The following FIP1L1 variants were observed in gnomAD, a reference collection of about 807,000 sequenced individuals.
FIP1L1 encodes the protein pre-mRNA 3'-end-processing factor FIP1.
FIP1L1 carries 21 observed loss-of-function variants against 84.6 expected under a neutral mutation model. That is an observed-to-expected ratio of 0.25 (90% CI 0.18 to 0.36). The LOEUF (loss-of-function observed/expected upper bound fraction) is 0.36, where lower values mean the gene tolerates loss of function less well. Among genes scored for constraint, FIP1L1 ranks in the 10% least tolerant of loss-of-function variants. The pLI, the probability that FIP1L1 is intolerant of heterozygous loss-of-function variation, is 1.00. For synonymous variants in FIP1L1, 263 were observed against 242.3 expected, an observed-to-expected ratio of 1.09 and a Z score of -0.80; for missense variants, 526 against 751.1, an observed-to-expected ratio of 0.70 and a Z score of 3.50.
intron 3 of FIP1L1, among the ~76,000 whole-genome samples, chr4:53,381,385 A>G (rs562025003): frequency 6.2e-4 from 94 of 152,266 alleles, no homozygotes; most frequent in African/African-American, 2.2e-3. Flanking sequence ...ATTGTGTTAT[A>G]TCTATCCAAG....
chr4:53,380,405 T>A lies in FIP1L1; in HGVS notation c.170+1141T>A, dbSNP rs116025659. On this transcript the variant is annotated intron_variant, in intron 3 of 17. Coordinates refer to ENST00000337488, the MANE Select transcript of FIP1L1 (RefSeq NM_030917.4). The stretch of plus-strand genomic sequence containing the variant: ...GAGACAGATTAGTGGTTACTAAGAG[T>A]TGGGTGAGTGATTGCTAATGTATAC... Among the ~76,000 whole-genome samples, 1,437 of 152,112 alleles carry A rather than the reference T, an allele frequency of 9.4e-3. 21 individuals are homozygous for A. The highest frequency in any genetic ancestry group is 0.033 in the African/African-American group (1,372 of 41,484).
chr4:53,386,107 A>G (rs1429008556), intron 5 of FIP1L1, among the ~76,000 whole-genome samples: 1 of 151,968 alleles, frequency 6.6e-6, no homozygotes, highest in Non-Finnish European at 1.5e-5. Context: ...GGTATGAAGA[A>G]AAGCAACTCT....
In FIP1L1 at chr4:53,392,542, A is replaced by T. The variant is rs1476537579; in HGVS notation, c.705+1044A>T. 3.9e-5 allele frequency among the ~76,000 whole-genome samples: 6 copies of T among 152,234 alleles called. No individual in the cohort carries two copies. In the East Asian group the frequency reaches 9.6e-4, roughly 24 times the overall value. On this transcript the variant is annotated intron_variant, in intron 9 of 17. Coordinates refer to ENST00000337488, the MANE Select transcript of FIP1L1 (RefSeq NM_030917.4). Reference sequence around the variant, plus strand: ...AAGGGTCATCAGTTTTTTCTGGGTTATATTGTCTATATAGGCATTGAATAT... The same window carrying T: ...AAGGGTCATCAGTTTTTTCTGGGTTTTATTGTCTATATAGGCATTGAATAT...
chr4:53,394,317 C>G (rs1040958096), intron 9 of FIP1L1, among the ~76,000 whole-genome samples: 2 of 152,138 alleles, frequency 1.3e-5, no homozygotes, highest in Non-Finnish European at 2.9e-5. Context: ...GTTGGCCATT[C>G]ACTCATGTAA....
chr4:53,436,698 A>G (rs1381824233), intron 13 of FIP1L1, among the ~76,000 whole-genome samples: 1 of 152,166 alleles, frequency 6.6e-6, no homozygotes, highest in South Asian at 2.1e-4. Flanking sequence ...GTTTATAGAC[A>G]ATCTGTTTAG....
chr4:53,387,180 A>G (rs1388507012), intron 5 of FIP1L1, among the ~76,000 whole-genome samples: 1 of 152,202 alleles, frequency 6.6e-6, no homozygotes, highest in Non-Finnish European at 1.5e-5. Flanking sequence ...AAACAGAAAT[A>G]TAGTCAGGCA....
intron 10 of FIP1L1, among the ~76,000 whole-genome samples, chr4:53,405,106 T>C (rs1439723234): frequency 6.6e-6 from 1 of 152,212 alleles, no homozygotes; most frequent in East Asian, 1.9e-4. Context: ...TGAATGGTAA[T>C]GCCTAGGTTT....
At chr4:53,432,101 A>G (rs1039915526) in intron 13 of FIP1L1, among the ~76,000 whole-genome samples, 14 of 152,162 alleles carry the variant, frequency 9.2e-5, no homozygotes, top group African/African-American at 1.4e-4. Context: ...CAGTAGCTTG[A>G]AAACAAATAC....
At chr4:53,440,595 T>C (rs772519030) in intron 13 of FIP1L1, 1 of 1,525,148 alleles carries the variant, frequency 6.6e-7, no homozygotes, top group Non-Finnish European at 9.0e-7. Flanking sequence ...TTCCAATAAC[T>C]GTACCACCTC....
intron 1 of FIP1L1, chr4:53,378,861 G>A (rs1736207860): frequency 1.8e-6 from 1 of 557,180 alleles, no homozygotes; most frequent in African/African-American, 2.1e-5. Flanking sequence ...TGATAAACTT[G>A]TAAAAAAAAA....
Position 53,444,077 on chromosome 4 carries a change from C to G in FIP1L1, c.1259C>G (p.Ser420Cys). 6 of 1,607,404 alleles carry G rather than the reference C, an allele frequency of 3.7e-6. No homozygotes were observed. Among genetic ancestry groups the G allele is most frequent in the African/African-American group, 1.3e-5 (1 of 74,928 alleles). The change falls in exon 15 of 18, where the codon TCT becomes TGT. Residue 420 changes from serine (S) to cysteine (C), a missense_variant. By Grantham distance (112) the Ser-to-Cys change is moderately radical (BLOSUM62 -1). Coordinates refer to ENST00000337488, the MANE Select transcript of FIP1L1 (RefSeq NM_030917.4). ...CATTCCTCTGGTTATGATAGTCGTT[C>G]TGCACGTGCATTTCCATATGGCAAT... is the stretch of plus-strand genomic sequence containing the variant. Reference protein sequence around the residue: ...SGHSSGYDSRSARAFPYGNVA... With the variant: ...SGHSSGYDSRCARAFPYGNVA...
intron 10 of FIP1L1, among the ~76,000 whole-genome samples, chr4:53,406,101 A>G (rs1324101327): frequency 1.3e-5 from 2 of 152,218 alleles, no homozygotes; most frequent in Admixed American, 1.3e-4. Context: ...TTCAAAGGGA[A>G]TGCTTCCAGT....
chr4:53,378,796 A>G (rs1736161128), intron 1 of FIP1L1: 5 of 442,728 alleles, frequency 1.1e-5, no homozygotes, highest in African/African-American at 2.0e-5. Flanking sequence ...TGTCTTTAGA[A>G]TAGAATAGTA....
intron 5 of FIP1L1, among the ~76,000 whole-genome samples, chr4:53,386,979 C>T (rs894699293): frequency 1.3e-5 from 2 of 152,160 alleles, no homozygotes; most frequent in African/African-American, 4.8e-5. Flanking sequence ...CTCCCTTAGA[C>T]ACCCCTAATT....
At chr4:53,442,596 C>G (rs561852857) in intron 13 of FIP1L1, 57 bp from the exon 14 acceptor site, 28 of 1,211,596 alleles carry the variant, frequency 2.3e-5, no homozygotes, top group Non-Finnish European at 3.2e-5. Context: ...CTTTGTTTCA[C>G]TCTTGACATT....
chr4:53,414,100 AACTTT>A (rs1017882904), intron 10 of FIP1L1, among the ~76,000 whole-genome samples: 4 of 152,250 alleles, frequency 2.6e-5, no homozygotes, highest in South Asian at 2.1e-4. Context: ...CTTTTTTGGG[AACTTT>A]ACTTTGAAAG....
At chr4:53,387,185 C>A (rs1741545879) in intron 5 of FIP1L1, among the ~76,000 whole-genome samples, 1 of 152,134 alleles carries the variant, frequency 6.6e-6, no homozygotes, top group Non-Finnish European at 1.5e-5. Flanking sequence ...GAAATATAGT[C>A]AGGCATGTGG....
intron 16 of FIP1L1, among the ~76,000 whole-genome samples, chr4:53,457,271 T>G (rs1719675812): frequency 6.6e-6 from 1 of 152,086 alleles, no homozygotes; most frequent in Admixed American, 6.6e-5. Context: ...TGTGATCCTG[T>G]GTGTACTCCA....
Position 53,404,193 on chromosome 4 carries a change from A to G in FIP1L1, c.815+4354A>G, listed in dbSNP as rs531849975. On this transcript the variant is annotated intron_variant, in intron 10 of 17. Transcript: ENST00000337488. The stretch of plus-strand genomic sequence containing the variant: ...ACCCCACAACAGTCCCCAGAGTGTG[A>G]TGTTCCCCTTCCTGTGTCCATGTGT... Among the ~76,000 whole-genome samples, 590 of 112,014 alleles carry G rather than the reference A, an allele frequency of 5.3e-3. 1 individual carries two copies. The highest frequency in any genetic ancestry group is 7.4e-3 in the Non-Finnish European group (445 of 60,004). 73.5% of individuals were successfully genotyped at this position (112,014 alleles called of 152,430 possible).
Sources: gnomAD v4.1 joint callset for allele counts (sites outside exome capture counted in the v4.1 genomes callset) on GRCh38, gnomAD v4.1.1 for gene constraint, MANE v1.5 for transcripts, NCBI Gene and HGNC (gene_info 2026-07-23, HGNC 2026-07-21) for gene names.